MALRD1: variants seen among roughly 807,000 people sequenced by gnomAD.
MALRD1 encodes MAM and LDL receptor class A domain containing 1.
MALRD1 carries 247 observed loss-of-function variants against 242.1 expected under a neutral mutation model. The observed-to-expected ratio is 1.02, with a 90% CI of 0.92 to 1.13. MALRD1 has a LOEUF of 1.13. Among genes scored for constraint, MALRD1 ranks in the 50% most tolerant of loss-of-function variants. The pLI, the probability that MALRD1 is intolerant of heterozygous loss-of-function variation, is 0.00. For synonymous variants in MALRD1, 995 were observed against 866.6 expected, an observed-to-expected ratio of 1.15 and a Z score of -2.60; for missense variants, 2,989 against 2,533.1, an observed-to-expected ratio of 1.18 and a Z score of -3.86.
At chr10:19,319,361 C>T (rs1268320902) in intron 21 of MALRD1, among the ~76,000 whole-genome samples, 1 of 152,058 alleles carries the variant, frequency 6.6e-6, no homozygotes, top group South Asian at 2.1e-4. Context: ...CTAACTTATT[C>T]AGTTCATTTA....
chr10:19,048,913 T>G lies in MALRD1; in HGVS notation c.-26T>G. On this transcript the variant is annotated 5_prime_UTR_variant, in exon 1 of 40. The change abolishes the stop of an existing upstream ORF in the 5' untranslated region. Transcript: ENST00000454679. ...GATGGACTTACTTATTACAACTGCTTGATCTCTAATAGACAATACCAAGTA... is the reference window on the plus strand; with the variant it reads ...GATGGACTTACTTATTACAACTGCTGGATCTCTAATAGACAATACCAAGTA... 9 of 1,226,930 alleles carry G rather than the reference T, an allele frequency of 7.3e-6. No homozygotes were observed. The highest frequency in any genetic ancestry group is 3.2e-5 in the East Asian group (1 of 31,660). The allele number at this position is 1,226,930 out of a possible 1,614,324, so 76.0% of individuals were successfully genotyped here. A position where few individuals can be genotyped will look rare whatever the true frequency, so the allele number is the denominator to read the frequency against.
chr10:19,722,786 T>TGAAGAGAA (rs1834831272), intron 38 of MALRD1, among the ~76,000 whole-genome samples: 1 of 151,420 alleles, frequency 6.6e-6, no homozygotes, highest in Non-Finnish European at 1.5e-5. Context: ...GGAAAGGAGG[T>TGAAGAGAA]GAAGAGAATA....
chr10:19,361,737 C>T (rs1844904338), intron 26 of MALRD1, among the ~76,000 whole-genome samples: 1 of 152,104 alleles, frequency 6.6e-6, no homozygotes, highest in African/African-American at 2.4e-5. Context: ...ATAGAGCTCA[C>T]TCCTCTAACC....
chr10:19,055,429 C>T (rs1189370413), intron 1 of MALRD1, among the ~76,000 whole-genome samples: 8 of 152,084 alleles, frequency 5.3e-5, no homozygotes, highest in African/African-American at 1.9e-4. Context: ...TATATTTTTG[C>T]TTTTGTTGCC....
In MALRD1 at chr10:19,257,727, T is replaced by A; in HGVS notation, c.3035T>A (p.Ile1012Asn). 1.3e-6 allele frequency: 2 copies of A among 1,542,438 alleles called. No individual in the cohort carries two copies. The highest frequency in any genetic ancestry group is 1.7e-4 in the Middle Eastern group (1 of 5,954). Residue 1012 changes from isoleucine to asparagine, a missense_variant, in exon 19 of 40, where the codon ATT becomes AAT. Coordinates refer to ENST00000454679, the MANE Select transcript of MALRD1 (RefSeq NM_001142308.3). ...GTGGGAGATGGCTTCACTGGAGATA[T>A]TGCGATTGATGATCTGTCATTTATG... ...ASVGDGFTGD[I>N]AIDDLSFMDC...
At chr10:19,503,213 A>G (rs1838055272) in intron 31 of MALRD1, among the ~76,000 whole-genome samples, 1 of 152,222 alleles carries the variant, frequency 6.6e-6, no homozygotes, top group African/African-American at 2.4e-5. Flanking sequence ...CATCTCTGAA[A>G]TAATGGGATG....
chr10:19,322,048 C>T (rs971943475), intron 21 of MALRD1, among the ~76,000 whole-genome samples: 2 of 152,062 alleles, frequency 1.3e-5, no homozygotes, highest in African/African-American at 4.8e-5. Flanking sequence ...AAGTAGAACT[C>T]AATTTCCTGG....
chr10:19,064,390 C>G (rs926532556), intron 1 of MALRD1, among the ~76,000 whole-genome samples: 37 of 151,924 alleles, frequency 2.4e-4, no homozygotes, highest in African/African-American at 8.9e-4. Context: ...AGCTACAATT[C>G]AAGGAAAATT....
At chr10:19,055,944 C>T (rs1034203811) in intron 1 of MALRD1, among the ~76,000 whole-genome samples, 4 of 152,168 alleles carry the variant, frequency 2.6e-5, no homozygotes, top group African/African-American at 4.8e-5. Context: ...CCTCATGACA[C>T]ACAACTTACC....
rs1486081679 is a variant in MALRD1, at chr10:19,566,315, T to TTC, written c.5479-1186_5479-1185insCT. Among the ~76,000 whole-genome samples the TTC allele has an allele frequency of 2.8e-5, 4 of 145,390 alleles. No individual in the cohort carries two copies. The East Asian group carries it at 6.0e-4, about 22-fold the overall frequency. On this transcript the variant is annotated intron_variant, in intron 32 of 39. Coordinates refer to ENST00000454679, the MANE Select transcript of MALRD1 (RefSeq NM_001142308.3). ...CCTGGCTAATTTTTTTTTTTTTTTTTTTTTTTTTGTATTTTTAGTAGAGAC... is the reference window on the plus strand; with the variant it reads ...CCTGGCTAATTTTTTTTTTTTTTTTTTCTTTTTTTTGTATTTTTAGTAGAGAC...
intron 36 of MALRD1, among the ~76,000 whole-genome samples, chr10:19,665,675 C>G (rs973765919): frequency 2.6e-5 from 4 of 152,108 alleles, no homozygotes; most frequent in African/African-American, 9.7e-5. Flanking sequence ...GCATTCAGGG[C>G]TTTAACTTAA....
chr10:19,709,243 T>TA (rs557818453), intron 38 of MALRD1, among the ~76,000 whole-genome samples: 417 of 105,940 alleles, frequency 3.9e-3, no homozygotes, highest in East Asian at 9.5e-3. Flanking sequence ...CCGTCTGTAC[T>TA]AAAAAAAAAA....
At chr10:19,200,659 T>TG (rs1043577415) in intron 14 of MALRD1, among the ~76,000 whole-genome samples, 10 of 147,042 alleles carry the variant, frequency 6.8e-5, no homozygotes, top group Non-Finnish European at 1.3e-4. Context: ...TTTTTTTTTT[T>TG]TTTTTTTTTT....
At chr10:19,707,820 G>A (rs1398409456) in intron 38 of MALRD1, among the ~76,000 whole-genome samples, 2 of 117,504 alleles carry the variant, frequency 1.7e-5, no homozygotes, top group Admixed American at 9.8e-5. Context: ...ACAAAAATTG[G>A]CCAGGCATGG....
rs1156773874 is a variant in MALRD1 at position 19,491,516 on chromosome 10, G to A, written c.5030-1G>A. 1 of 1,549,438 alleles carries A rather than the reference G, an allele frequency of 6.5e-7. No homozygotes were observed. The highest frequency in any genetic ancestry group is 1.2e-5 in the South Asian group (1 of 84,064). On this transcript the variant is annotated splice_acceptor_variant, in intron 29 of 39. Transcript: ENST00000454679. LOFTEE classifies it high-confidence loss of function. ...GCTTTTGTTTTTTTGTTTTTCCCTAGTGGGAGAGATCTCTGAGCTTTGTCC... is the reference window on the plus strand; with the variant it reads ...GCTTTTGTTTTTTTGTTTTTCCCTAATGGGAGAGATCTCTGAGCTTTGTCC...
At chr10:19,227,022 T>C (rs545091605) in intron 18 of MALRD1, among the ~76,000 whole-genome samples, 5 of 152,048 alleles carry the variant, frequency 3.3e-5, no homozygotes, top group Non-Finnish European at 7.4e-5. Flanking sequence ...GGTAGAAATA[T>C]GTATGAAGTT....
Position 19,165,265 on chromosome 10 carries a change from A to ATATT in MALRD1, c.1657-371_1657-370insATTT. Among the ~76,000 whole-genome samples, 190 of 130,308 alleles carry ATATT rather than the reference A, an allele frequency of 1.5e-3. 5 individuals carry two copies. The highest frequency in any genetic ancestry group is 3.9e-3 in the Middle Eastern group (1 of 258). The allele number at this position is 130,308 out of a possible 152,430, so 85.5% of individuals were successfully genotyped here. Reference sequence around the variant, plus strand: ...GGAATATATATATATATATATATATATTTTGTTTTGTTTTGTTTTTGTTTT... The same window carrying ATATT: ...GGAATATATATATATATATATATATATATTTTTTGTTTTGTTTTGTTTTTGTTTT... On this transcript the variant is annotated intron_variant, in intron 12 of 39. Transcript: ENST00000454679.
Position 19,332,179 on chromosome 10 carries a change from T to G in MALRD1, c.3901+597T>G, listed in dbSNP as rs575672559. Among the ~76,000 whole-genome samples the G allele has an allele frequency of 7.3e-3, 1,103 of 150,968 alleles. 13 individuals are homozygous for G. The highest frequency in any genetic ancestry group is 0.051 in the South Asian group (241 of 4,762). On this transcript the variant is annotated intron_variant, in intron 24 of 39. Transcript: ENST00000454679. ...GTGCCTGGCCTGAAATAAATGTTGT[T>G]TTTTTTTTTTTGAAAAATGACAGGC...
At chr10:19,316,960 A>T (rs1842731463) in intron 21 of MALRD1, among the ~76,000 whole-genome samples, 2 of 151,670 alleles carry the variant, frequency 1.3e-5, no homozygotes, top group African/African-American at 4.8e-5. Flanking sequence ...GAGGAGATAG[A>T]TACCAATTTT....
Sources: gnomAD v4.1 joint callset for allele counts (sites outside exome capture counted in the v4.1 genomes callset) on GRCh38, gnomAD v4.1.1 for gene constraint, MANE v1.5 for transcripts, NCBI Gene and HGNC (gene_info 2026-07-23, HGNC 2026-07-21) for gene names.